Variants in MSANTD3 observed in about 807,000 individuals in gnomAD.
MSANTD3 encodes myb/SANT-like DNA-binding domain-containing protein 3.
Under a neutral mutation model 27.7 loss-of-function variants are expected in MSANTD3, and 11 were observed. The ratio of observed to expected loss-of-function variants is 0.40; its 90% CI spans 0.25 to 0.66. MSANTD3 has a LOEUF of 0.66. MSANTD3 is among the 30% of genes least tolerant of loss of function. The pLI is 0.41. For synonymous variants in MSANTD3, 131 were observed against 127.2 expected, an observed-to-expected ratio of 1.03 and a Z score of -0.20; for missense variants, 250 against 336.5, an observed-to-expected ratio of 0.74 and a Z score of 2.01.
At chr9:100,447,596 A>C (rs1836785121) in intron 2 of MSANTD3, among the ~76,000 whole-genome samples, 1 of 152,224 alleles carries the variant, frequency 6.6e-6, no homozygotes, top group South Asian at 2.1e-4. Context: ...GCAAGTGATC[A>C]GCTGAGCAAG....
rs2118231451 is a variant in MSANTD3, at chr9:100,442,299, T to G, written c.361T>G (p.Phe121Val). The change falls in exon 2 of 3, where the codon TTC (phenylalanine) becomes GTC (valine). Residue 121 changes from phenylalanine to valine, a missense_variant. Phe to Val is a conservative substitution (Grantham distance 50). Coordinates refer to ENST00000395067, the MANE Select transcript of MSANTD3 (RefSeq NM_080655.3). ...CAGCATGCTGCCGGAGCAGCTCTAC[T>G]TCCTGCAGAGCCCCCCGGAGGAGGA... ...IASMLPEQLY[F>V]LQSPPEEEPE... The G allele has an allele frequency of 1.2e-6, 2 of 1,614,076 alleles. No individual in the cohort carries two copies. Among genetic ancestry groups the G allele is most frequent in the South Asian group, 2.2e-5 (2 of 91,082 alleles).
intron 1 of MSANTD3, among the ~76,000 whole-genome samples, chr9:100,433,109 G>T (rs1462083092): frequency 6.6e-6 from 1 of 152,164 alleles, no homozygotes; most frequent in South Asian, 2.1e-4. Context: ...TGATGGTGAG[G>T]GGGTTCTGAA....
intron 1 of MSANTD3, among the ~76,000 whole-genome samples, chr9:100,438,840 G>A (rs1836539371): frequency 6.6e-6 from 1 of 152,188 alleles, no homozygotes; most frequent in Non-Finnish European, 1.5e-5. Flanking sequence ...ATTAATTTGG[G>A]ACCTTTGAGG....
Position 100,431,055 on chromosome 9 carries a change from T to C in MSANTD3, c.-34+3662T>C, listed in dbSNP as rs535365598. On this transcript the variant is annotated intron_variant, in intron 1 of 2. Coordinates refer to ENST00000395067, the MANE Select transcript of MSANTD3 (RefSeq NM_080655.3). ...TTTGCTCTTGTTGCCCAGGCTGGAG[T>C]GCAACGGCGCAATCTCGGCTCACCG... 3.3e-5 allele frequency among the ~76,000 whole-genome samples: 5 copies of C among 151,764 alleles called. No individual in the cohort carries two copies. The South Asian group carries it at 1.0e-3, about 32-fold the overall frequency.
chr9:100,445,183 A>G, intron 2 of MSANTD3: 1 of 1,609,196 alleles, frequency 6.2e-7, no homozygotes, highest in Non-Finnish European at 8.5e-7. Flanking sequence ...CTTTCAAGAA[A>G]GAAAAAGAAG....
intron 1 of MSANTD3, among the ~76,000 whole-genome samples, chr9:100,431,061 G>A (rs944112103): frequency 2.0e-4 from 30 of 150,902 alleles, no homozygotes; most frequent in African/African-American, 7.1e-4. Context: ...GGAGTGCAAC[G>A]GCGCAATCTC....
intron 2 of MSANTD3, chr9:100,448,416 T>G (rs1836809129): frequency 5.1e-6 from 5 of 985,152 alleles, no homozygotes; most frequent in Non-Finnish European, 6.0e-6. Context: ...ACAGGTGAGG[T>G]AATGCTCTTT....
Position 100,442,266 on chromosome 9 carries a change from A to C in MSANTD3, c.328A>C (p.Lys110Gln). Residue 110 changes from lysine to glutamine, a missense_variant, in exon 2 of 3, where the codon AAG becomes CAG. Lys to Gln is a moderately conservative substitution (Grantham distance 53, BLOSUM62 1). Transcript: ENST00000395067. ...GAGTACCCACGTCCTAGGGAAGGAGAAGATCGCCAGCATGCTGCCGGAGCA... is the reference window on the plus strand; with the variant it reads ...GAGTACCCACGTCCTAGGGAAGGAGCAGATCGCCAGCATGCTGCCGGAGCA... ...LLSTHVLGKE[K>Q]IASMLPEQLY... 6.2e-7 allele frequency: 1 copy of C among 1,614,088 alleles called. No individual in the cohort carries two copies. The highest frequency in any genetic ancestry group is 8.5e-7 in the Non-Finnish European group (1 of 1,180,028).
chr9:100,443,399 C>CAA (rs376952309), intron 2 of MSANTD3, among the ~76,000 whole-genome samples: 2 of 117,624 alleles, frequency 1.7e-5, no homozygotes, highest in Non-Finnish European at 3.6e-5. Context: ...AACTCCATCT[C>CAA]AAAAAAAAAA....
intron 2 of MSANTD3, 151 bp downstream of exon 2, chr9:100,442,507 A>ACATT: frequency 7.5e-7 from 1 of 1,326,954 alleles, no homozygotes; most frequent in East Asian, 2.5e-5. Context: ...ATTATATAGG[A>ACATT]CATTCAAAGT....
At chr9:100,443,216 A>G (rs550594204) in intron 2 of MSANTD3, among the ~76,000 whole-genome samples, 11 of 152,116 alleles carry the variant, frequency 7.2e-5, no homozygotes, top group Non-Finnish European at 1.0e-4. Context: ...CCTGACCAAC[A>G]TGGAGAAACC....
chr9:100,438,425 A>G (rs1306396234), intron 1 of MSANTD3, among the ~76,000 whole-genome samples: 3 of 137,330 alleles, frequency 2.2e-5, no homozygotes, highest in Non-Finnish European at 5.1e-5. Flanking sequence ...ATTTATTTAG[A>G]AAGTGTGTGT....
intron 1 of MSANTD3, among the ~76,000 whole-genome samples, chr9:100,435,875 T>G (rs1836468487): frequency 6.6e-6 from 1 of 152,202 alleles, no homozygotes. Flanking sequence ...AACATATGGA[T>G]CTTGGGAGGA....
intron 2 of MSANTD3, chr9:100,444,314 C>T (rs1257725038): frequency 6.6e-6 from 1 of 152,186 alleles, no homozygotes; most frequent in East Asian, 1.9e-4. Context: ...GAGTTTTGAT[C>T]CCTGAGTTCC....
chr9:100,439,936 A>C (rs1836565068), intron 1 of MSANTD3, among the ~76,000 whole-genome samples: 1 of 152,122 alleles, frequency 6.6e-6, no homozygotes, highest in Non-Finnish European at 1.5e-5. Flanking sequence ...AGGACTGGGA[A>C]TACGTAGGCC....
At chr9:100,450,160 T>A (rs1167036937) in intron 2 of MSANTD3, among the ~76,000 whole-genome samples, 1 of 152,170 alleles carries the variant, frequency 6.6e-6, no homozygotes, top group Non-Finnish European at 1.5e-5. Flanking sequence ...CAAAGCATGA[T>A]CAGACTGATA....
At chr9:100,435,834 C>T (rs564141615) in intron 1 of MSANTD3, among the ~76,000 whole-genome samples, 92 of 152,324 alleles carry the variant, frequency 6.0e-4, no homozygotes, top group African/African-American at 2.1e-3. Context: ...TGCCCAGTCC[C>T]CAAATACAAC....
chr9:100,428,766 G>A (rs1188471427), intron 1 of MSANTD3, among the ~76,000 whole-genome samples: 1 of 152,156 alleles, frequency 6.6e-6, no homozygotes, highest in Non-Finnish European at 1.5e-5. Flanking sequence ...CAGCCCTAAT[G>A]GTTGATGAGA....
At chr9:100,438,445 TAC>T (rs948565326) in intron 1 of MSANTD3, among the ~76,000 whole-genome samples, 5 of 152,132 alleles carry the variant, frequency 3.3e-5, no homozygotes, top group Non-Finnish European at 5.9e-5. Flanking sequence ...TGTGTGTGTG[TAC>T]ACACACATAT....
Sources: gnomAD v4.1 joint callset for allele counts (sites outside exome capture counted in the v4.1 genomes callset) on GRCh38, gnomAD v4.1.1 for gene constraint, MANE v1.5 for transcripts, NCBI Gene and HGNC (gene_info 2026-07-23, HGNC 2026-07-21) for gene names.